PTAR1: variants seen among roughly 807,000 people sequenced by gnomAD.
PTAR1 encodes the protein protein prenyltransferase alpha subunit repeat containing 1.
A neutral mutation model predicts 45.5 loss-of-function variants in PTAR1; 17 were observed. The observed-to-expected ratio is 0.37, with a 90% CI of 0.26 to 0.56. The LOEUF is 0.56. PTAR1 is among the 20% of genes least tolerant of loss of function. The probability of loss-of-function intolerance (pLI) is 0.77; values close to 1 mark genes in which losing one functional copy is unlikely to be tolerated. For synonymous variants in PTAR1, 169 were observed against 171.3 expected, an observed-to-expected ratio of 0.99 and a Z score of 0.11; for missense variants, 391 against 476.3, an observed-to-expected ratio of 0.82 and a Z score of 1.67.
At position 69,718,321 on chromosome 9, in the gene PTAR1, T is replaced by C. The variant is rs1409721050; in HGVS notation, c.*21A>G. ...CAATATTGCACTAAAAGGGGAACCT[T>C]GTAGGACTAATTCACCTCTTTCATT... On this transcript the variant is annotated 3_prime_UTR_variant, in exon 8 of 8. Transcript: ENST00000340434. The C allele has an allele frequency of 3.2e-6, 5 of 1,546,590 alleles. No individual in the cohort carries two copies. The highest frequency in any genetic ancestry group is 1.2e-5 in the South Asian group (1 of 83,982).
intron 1 of PTAR1, among the ~76,000 whole-genome samples, chr9:69,753,077 TA>T (rs1826603501): frequency 6.6e-6 from 1 of 152,080 alleles, no homozygotes; most frequent in Admixed American, 6.6e-5. Flanking sequence ...GTCAACAATA[TA>T]ACTGTTATAG....
intron 5 of PTAR1, among the ~76,000 whole-genome samples, chr9:69,729,585 A>T (rs1034312755): frequency 2.6e-5 from 4 of 152,190 alleles, no homozygotes; most frequent in Admixed American, 1.3e-4. Context: ...TTTGATAGCC[A>T]CTTTATATGA....
chr9:69,728,689 CCTGA>C lies in PTAR1; in HGVS notation c.642+3446_642+3449del, dbSNP rs567727952. The stretch of plus-strand genomic sequence containing the variant: ...GTAATTTGCCAGTAGTAATAAACTG[CCTGA>C]CTGTGAATCTTTCCTGCCACACTAC... On this transcript the variant is annotated intron_variant, in intron 5 of 7. Coordinates refer to ENST00000340434, the MANE Select transcript of PTAR1 (RefSeq NM_001099666.2). 4.2e-3 allele frequency among the ~76,000 whole-genome samples: 644 copies of C among 152,092 alleles called. 5 individuals are homozygous for C. Among genetic ancestry groups the C allele is most frequent in the African/African-American group, 0.015 (609 of 41,468 alleles).
intron 3 of PTAR1, 109 bp from the exon 4 acceptor site, chr9:69,734,363 G>T: frequency 2.5e-4 from 105 of 417,034 alleles, no homozygotes; most frequent in Middle Eastern, 7.4e-4. Context: ...GAATGTCTAA[G>T]AATTTTAAAA....
At chr9:69,734,740 A>G (rs547758877) in intron 3 of PTAR1, among the ~76,000 whole-genome samples, 1 of 152,330 alleles carries the variant, frequency 6.6e-6, no homozygotes, top group Non-Finnish European at 1.5e-5. Flanking sequence ...AAAAAAAATC[A>G]TTCATGGAAT....
chr9:69,715,054 C>G lies in PTAR1; in HGVS notation c.*3288G>C, dbSNP rs142558781. The G allele has an allele frequency of 8.5e-4, 129 of 152,092 alleles. No homozygotes were observed. The highest frequency in any genetic ancestry group is 3.1e-3 in the African/African-American group (128 of 41,526). The allele number at this position is 152,092 out of a possible 1,614,324, so 9.4% of individuals were successfully genotyped here. A position where few individuals can be genotyped will look rare whatever the true frequency, so the allele number is the denominator to read the frequency against. On this transcript the variant is annotated 3_prime_UTR_variant, in exon 8 of 8. Coordinates refer to ENST00000340434, the MANE Select transcript of PTAR1 (RefSeq NM_001099666.2). ...GTATGCAGGATCTGTCCTCTAGTAT[C>G]ACAAATGAACAGAAAGTGGTGTTCT...
rs556290835 is a variant in PTAR1, at chr9:69,710,734, G to C, written c.*7608C>G. 6.6e-6 allele frequency: 1 copy of C among 152,296 alleles called. No homozygotes were observed. Among genetic ancestry groups the C allele is most frequent in the South Asian group, 2.1e-4 (1 of 4,826 alleles). The allele number at this position is 152,296 out of a possible 1,614,324, so 9.4% of individuals were successfully genotyped here. On this transcript the variant is annotated 3_prime_UTR_variant, in exon 8 of 8. Coordinates refer to ENST00000340434, the MANE Select transcript of PTAR1 (RefSeq NM_001099666.2). ...GAAAAACAGATCAAGAAACATAGCA[G>C]TACAACAGAGGGAAGACCATTAGTC... is the stretch of plus-strand genomic sequence containing the variant.
intron 1 of PTAR1, chr9:69,758,427 A>G (rs927580481): frequency 2.7e-4 from 41 of 152,420 alleles, no homozygotes; most frequent in African/African-American, 9.4e-4. Context: ...CCCATTCTCA[A>G]AAAGAAATCG....
intron 6 of PTAR1, among the ~76,000 whole-genome samples, chr9:69,722,890 G>T (rs1318244482): frequency 7.0e-6 from 1 of 141,860 alleles, no homozygotes; most frequent in African/African-American, 2.6e-5. Flanking sequence ...AGTGAGCCGA[G>T]ATCGCGCTAT....
chr9:69,741,303 C>T (rs1588471132), intron 3 of PTAR1, among the ~76,000 whole-genome samples: 1 of 152,090 alleles, frequency 6.6e-6, no homozygotes, highest in Non-Finnish European at 1.5e-5. Context: ...TAACAAACAC[C>T]GCCTACCTAA....
At position 69,718,064 on chromosome 9, in the gene PTAR1, G is replaced by A; in HGVS notation, c.*278C>T. On this transcript the variant is annotated 3_prime_UTR_variant, in exon 8 of 8. Transcript: ENST00000340434. The stretch of plus-strand genomic sequence containing the variant: ...TGTGAACCAATCAGGAAAACCAAAT[G>A]AGAAGCCCCACATATAGAAATACAA... 3.4e-6 allele frequency: 1 copy of A among 293,866 alleles called. No homozygotes were observed. Among genetic ancestry groups the A allele is most frequent in the South Asian group, 8.3e-5 (1 of 12,004 alleles). The allele number at this position is 293,866 out of a possible 1,614,324, so 18.2% of individuals were successfully genotyped here. A position where few individuals can be genotyped will look rare whatever the true frequency, so the allele number is the denominator to read the frequency against.
At position 69,727,280 on chromosome 9, in the gene PTAR1, C is replaced by T. The variant is rs373431143; in HGVS notation, c.643-3650G>A. Among the ~76,000 whole-genome samples, 39 of 152,196 alleles carry T rather than the reference C, an allele frequency of 2.6e-4. 1 individual carries two copies. The East Asian group carries it at 6.2e-3, about 24-fold the overall frequency. On this transcript the variant is annotated intron_variant, in intron 5 of 7. Coordinates refer to ENST00000340434, the MANE Select transcript of PTAR1 (RefSeq NM_001099666.2). The stretch of plus-strand genomic sequence containing the variant: ...GACCTCCAGAACTTACTCATCCTAA[C>T]GGAAACTTTGTACCCTTTAACCAGC...
At chr9:69,757,311 T>C (rs905995787) in intron 1 of PTAR1, 4 of 145,124 alleles carry the variant, frequency 2.8e-5, no homozygotes, top group Non-Finnish European at 6.0e-5. Flanking sequence ...TACTCAACCA[T>C]ACAAACAGCA....
At chr9:69,744,038 C>T (rs948626766) in intron 2 of PTAR1, among the ~76,000 whole-genome samples, 5 of 152,158 alleles carry the variant, frequency 3.3e-5, no homozygotes, top group African/African-American at 1.2e-4. Flanking sequence ...CATGGAACTT[C>T]ACACATAGTC....
intron 5 of PTAR1, among the ~76,000 whole-genome samples, chr9:69,727,064 C>T (rs896996504): frequency 6.6e-6 from 1 of 150,622 alleles, no homozygotes; most frequent in Admixed American, 6.7e-5. Context: ...TATACACACA[C>T]ATATATATAT....
chr9:69,754,557 C>CTTTTTTTTTTT, intron 1 of PTAR1, among the ~76,000 whole-genome samples: 1 of 61,342 alleles, frequency 1.6e-5, no homozygotes, highest in East Asian at 4.8e-4. Flanking sequence ...TTTTTTTTTC[C>CTTTTTTTTTTT]TGAGACAGGA....
At chr9:69,733,016 AATTTACTTAT>A (rs1825613073) in intron 4 of PTAR1, among the ~76,000 whole-genome samples, 1 of 152,206 alleles carries the variant, frequency 6.6e-6, no homozygotes, top group Non-Finnish European at 1.5e-5. Context: ...TTGTACCAGT[AATTTACTTAT>A]ATAAAAGCAT....
At chr9:69,754,127 A>G (rs368267826) in intron 1 of PTAR1, among the ~76,000 whole-genome samples, 15 of 152,320 alleles carry the variant, frequency 9.8e-5, no homozygotes, top group African/African-American at 3.6e-4. Context: ...GTTTGACTTC[A>G]GACTTCTGTG....
rs944019739 is a variant in PTAR1, at chr9:69,712,581, T to A, written c.*5761A>T. On this transcript the variant is annotated 3_prime_UTR_variant, in exon 8 of 8. Coordinates refer to ENST00000340434, the MANE Select transcript of PTAR1 (RefSeq NM_001099666.2). The stretch of plus-strand genomic sequence containing the variant: ...GCTAGTTTTATCTTTCTAGCTTTTA[T>A]CAACTCTTGACTTGTTGAATTCCTA... 8.5e-5 allele frequency: 13 copies of A among 152,294 alleles called. No homozygotes were observed. The highest frequency in any genetic ancestry group is 1.3e-4 in the Non-Finnish European group (9 of 68,004). 9.4% of individuals were successfully genotyped at this position (152,294 alleles called of 1,614,324 possible). A position where few individuals can be genotyped will look rare whatever the true frequency, so the allele number is the denominator to read the frequency against.
Sources: gnomAD v4.1 joint callset for allele counts (sites outside exome capture counted in the v4.1 genomes callset) on GRCh38, gnomAD v4.1.1 for gene constraint, MANE v1.5 for transcripts, NCBI Gene and HGNC (gene_info 2026-07-23, HGNC 2026-07-21) for gene names.